Variants in NAA60 observed in about 807,000 individuals in gnomAD.
NAA60 encodes the protein N-alpha-acetyltransferase 60.
A neutral mutation model predicts 26.1 loss-of-function variants in NAA60; 8 were observed. That is an observed-to-expected ratio of 0.31 (90% CI 0.18 to 0.55). NAA60 has a LOEUF of 0.55. Ranked by LOEUF, NAA60 falls within the 20% of genes least tolerant of loss-of-function variation. NAA60 has a pLI of 0.93. For missense variants in NAA60, 290 were observed against 311.3 expected, an observed-to-expected ratio of 0.93 and a Z score of 0.51; for synonymous variants, 131 against 122.5, an observed-to-expected ratio of 1.07 and a Z score of -0.46.
intron 2 of NAA60, among the ~76,000 whole-genome samples, chr16:3,470,579 C>T (rs1194025002): frequency 6.6e-6 from 1 of 152,096 alleles, no homozygotes; most frequent in Non-Finnish European, 1.5e-5. Context: ...CTCCTTGGGC[C>T]TGCTGTGACT....
intron 2 of NAA60, among the ~76,000 whole-genome samples, chr16:3,454,337 G>A (rs2034894284): frequency 6.6e-6 from 1 of 152,204 alleles, no homozygotes; most frequent in African/African-American, 2.4e-5. Flanking sequence ...AGGTGTCTGT[G>A]CTAGACCCAT....
At chr16:3,447,484 G>A in intron 1 of NAA60, 2 of 985,388 alleles carry the variant, frequency 2.0e-6, no homozygotes, top group Non-Finnish European at 2.4e-6. Context: ...ATTCCCAGAT[G>A]GTACTGCCTT....
chr16:3,471,758 A>G (rs941045916), intron 2 of NAA60, among the ~76,000 whole-genome samples: 2 of 152,118 alleles, frequency 1.3e-5, no homozygotes, highest in African/African-American at 4.8e-5. Flanking sequence ...GCAGGAGCTC[A>G]GAAACCTGGG....
intron 2 of NAA60, among the ~76,000 whole-genome samples, chr16:3,464,550 C>T (rs1011400513): frequency 1.3e-5 from 2 of 152,134 alleles, no homozygotes; most frequent in East Asian, 3.9e-4. Flanking sequence ...CTAGGCGGTA[C>T]AGAGGGTTTC....
chr16:3,459,925 A>G (rs1338708914), intron 2 of NAA60, among the ~76,000 whole-genome samples: 2 of 152,300 alleles, frequency 1.3e-5, no homozygotes, highest in East Asian at 3.9e-4. Context: ...AATGGAAGAA[A>G]GTTCCTGGAT....
chr16:3,460,188 C>T (rs537303237), intron 2 of NAA60, among the ~76,000 whole-genome samples: 1 of 152,104 alleles, frequency 6.6e-6, no homozygotes, highest in African/African-American at 2.4e-5. Context: ...CCCAGAGGTC[C>T]CATTTGCTTG....
intron 2 of NAA60, among the ~76,000 whole-genome samples, chr16:3,458,536 G>A (rs1395376099): frequency 3.3e-5 from 5 of 152,196 alleles, no homozygotes; most frequent in South Asian, 2.1e-4. Flanking sequence ...GTACCCTGTG[G>A]GGTGTCGCGC....
chr16:3,484,478 GC>G, intron 6 of NAA60: 1 of 605,662 alleles, frequency 1.7e-6, no homozygotes, highest in Non-Finnish European at 2.9e-6. Context: ...CACTCAGAAG[GC>G]CCTTCTGTCC....
chr16:3,451,965 C>G (rs1022718333), intron 2 of NAA60, among the ~76,000 whole-genome samples: 1 of 150,298 alleles, frequency 6.7e-6, no homozygotes, highest in African/African-American at 2.5e-5. Flanking sequence ...CCCAGAATCC[C>G]AGCACTTTGG....
chr16:3,479,700 C>T (rs1227564939), intron 4 of NAA60, 100 bp downstream of exon 4: 15 of 1,409,108 alleles, frequency 1.1e-5, no homozygotes, highest in South Asian at 1.4e-5. Context: ...AGCCGTCGTC[C>T]AAGGAGCCTG....
intron 3 of NAA60, among the ~76,000 whole-genome samples, chr16:3,477,854 A>C (rs1596347726): frequency 3.9e-5 from 6 of 152,340 alleles, no homozygotes; most frequent in Middle Eastern, 3.4e-3. Flanking sequence ...TCACGAAGTC[A>C]GGAGTTCAAG....
chr16:3,460,444 A>G (rs1596306064), intron 2 of NAA60, among the ~76,000 whole-genome samples: 2 of 152,058 alleles, frequency 1.3e-5, no homozygotes, highest in African/African-American at 4.8e-5. Context: ...GCTCACCGCA[A>G]CCTCCACCTC....
intron 6 of NAA60, among the ~76,000 whole-genome samples, chr16:3,484,174 C>T (rs1006003913): frequency 6.6e-6 from 1 of 151,792 alleles, no homozygotes; most frequent in Admixed American, 6.6e-5. Context: ...AAATGCTGTG[C>T]GTGTGTGTGT....
chr16:3,450,251 C>T (rs1490004240), intron 2 of NAA60: 1 of 319,218 alleles, frequency 3.1e-6, no homozygotes, highest in Non-Finnish European at 5.7e-6. Context: ...CTGGAGGCCT[C>T]TCAGGCAGAG....
chr16:3,474,242 C>A (rs250630), intron 2 of NAA60, among the ~76,000 whole-genome samples: 2 of 152,042 alleles, frequency 1.3e-5, no homozygotes, highest in African/African-American at 4.8e-5. Flanking sequence ...GACGTCAGTG[C>A]TGGCCCTGTC....
intron 2 of NAA60, chr16:3,458,229 G>A (rs1259971569): frequency 2.1e-6 from 2 of 958,344 alleles, no homozygotes; most frequent in East Asian, 1.2e-4. Flanking sequence ...GCGGCGGGGC[G>A]CCGAGGGGGC....
intron 1 of NAA60, among the ~76,000 whole-genome samples, chr16:3,446,454 C>T (rs1257356838): frequency 6.7e-6 from 1 of 150,164 alleles, no homozygotes; most frequent in Non-Finnish European, 1.5e-5. Flanking sequence ...TGGCGTGAAC[C>T]TGGGAGGCGG....
intron 2 of NAA60, among the ~76,000 whole-genome samples, chr16:3,473,764 T>C (rs1028295716): frequency 6.6e-5 from 10 of 151,846 alleles, no homozygotes; most frequent in African/African-American, 1.7e-4. Flanking sequence ...AGATGGAGTC[T>C]TGCACTGTTG....
chr16:3,454,084 G>A (rs1211750877), intron 2 of NAA60, among the ~76,000 whole-genome samples: 1 of 152,216 alleles, frequency 6.6e-6, no homozygotes, highest in Admixed American at 6.5e-5. Flanking sequence ...TTCAGGAGCA[G>A]TCTTGGCCTT....
Sources: gnomAD v4.1 joint callset for allele counts (sites outside exome capture counted in the v4.1 genomes callset) on GRCh38, gnomAD v4.1.1 for gene constraint, MANE v1.5 for transcripts, NCBI Gene and HGNC (gene_info 2026-07-23, HGNC 2026-07-21) for gene names.